The following CLVS1 variants were observed in gnomAD, a reference collection of about 807,000 sequenced individuals.
CLVS1 encodes the protein clavesin 1, also known as clavesin-1.
Under a neutral mutation model 33.1 loss-of-function variants are expected in CLVS1, and 10 were observed. The observed-to-expected ratio is 0.30, with a 90% CI of 0.19 to 0.51. The LOEUF is 0.51. Among genes scored for constraint, CLVS1 ranks in the 20% least tolerant of loss-of-function variants. The pLI is 0.97. For missense variants in CLVS1, 343 were observed against 433.4 expected, an observed-to-expected ratio of 0.79 and a Z score of 1.85; for synonymous variants, 163 against 166.1, an observed-to-expected ratio of 0.98 and a Z score of 0.14.
intron 5 of CLVS1, among the ~76,000 whole-genome samples, chr8:61,497,643 C>G (rs1417955424): frequency 6.6e-6 from 1 of 152,126 alleles, no homozygotes; most frequent in Non-Finnish European, 1.5e-5. Flanking sequence ...GGTCCCAATT[C>G]AGACCCCAAG....
At chr8:61,442,545 T>G (rs1816593710) in intron 3 of CLVS1, among the ~76,000 whole-genome samples, 1 of 152,238 alleles carries the variant, frequency 6.6e-6, no homozygotes, top group Non-Finnish European at 1.5e-5. Context: ...TATACCATAT[T>G]ACACTTCTAT....
upstream of CLVS1, among the ~76,000 whole-genome samples, chr8:61,056,753 C>A (rs1804478585): frequency 2.0e-5 from 3 of 152,224 alleles, no homozygotes; most frequent in Admixed American, 6.5e-5. Context: ...TTAAATTATT[C>A]TTCTTGATTC....
chr8:61,202,469 G>A (rs559052160), intron 2 of CLVS1: 163 of 813,116 alleles, frequency 2.0e-4, no homozygotes, highest in Non-Finnish European at 2.7e-4. Flanking sequence ...GAAAATGAGC[G>A]CCAGTTGTCT....
chr8:61,333,245 C>G (rs1320871235), intron 2 of CLVS1, among the ~76,000 whole-genome samples: 1 of 152,150 alleles, frequency 6.6e-6, no homozygotes, highest in East Asian at 1.9e-4. Context: ...AAAGTTTTTA[C>G]ATACCCAGTG....
chr8:61,112,456 T>C (rs938495516), intron 1 of CLVS1, among the ~76,000 whole-genome samples: 6 of 152,264 alleles, frequency 3.9e-5, no homozygotes, highest in African/African-American at 1.4e-4. Flanking sequence ...AGCTCTGCTA[T>C]GTTGATCAGA....
intron 1 of CLVS1, among the ~76,000 whole-genome samples, chr8:61,117,810 C>G (rs1414594317): frequency 6.6e-6 from 1 of 152,160 alleles, no homozygotes; most frequent in African/African-American, 2.4e-5. Context: ...CAATGTTCAT[C>G]AAGGATATTG....
At chr8:61,012,591 C>T in the CLVS1 span, among the ~76,000 whole-genome samples, 2,657 of 152,210 alleles carry the variant, frequency 0.017, 73 homozygotes, top group African/African-American at 0.06. Flanking sequence ...GACATTTCAG[C>T]GTGCATGACA....
At chr8:61,318,312 G>GCCTGACACTTGATAT (rs1811079664) in intron 2 of CLVS1, among the ~76,000 whole-genome samples, 1 of 152,016 alleles carries the variant, frequency 6.6e-6, no homozygotes, top group Non-Finnish European at 1.5e-5. Context: ...TTTTAATCCT[G>GCCTGACACTTGATAT]CCTGACACTT....
intron 2 of CLVS1, among the ~76,000 whole-genome samples, chr8:61,154,306 G>A (rs1300159): frequency 6.6e-6 from 1 of 151,900 alleles, no homozygotes; most frequent in East Asian, 1.9e-4. Flanking sequence ...TCTGAATGAA[G>A]CTCTGAATGA....
chr8:61,398,416 A>G (rs117724256), intron 3 of CLVS1, among the ~76,000 whole-genome samples: 2,682 of 152,188 alleles, frequency 0.018, 40 homozygotes, highest in Non-Finnish European at 0.026. Flanking sequence ...TCCTGAACTC[A>G]TGTGATCCAC....
At chr8:61,410,524 G>C (rs1815179344) in intron 3 of CLVS1, among the ~76,000 whole-genome samples, 1 of 152,104 alleles carries the variant, frequency 6.6e-6, no homozygotes, top group Non-Finnish European at 1.5e-5. Context: ...GCAATTTCTT[G>C]GGTCAGAAGC....
At chr8:61,417,371 T>G (rs2581544) in intron 3 of CLVS1, among the ~76,000 whole-genome samples, 2,674 of 152,322 alleles carry the variant, frequency 0.018, 23 homozygotes, top group South Asian at 0.022. Flanking sequence ...AGACGTTTTT[T>G]TCTTTGAATG....
chr8:61,191,870 TAA>T (rs921773406), intron 2 of CLVS1, among the ~76,000 whole-genome samples: 6 of 151,958 alleles, frequency 3.9e-5, no homozygotes, highest in Admixed American at 3.9e-4. Context: ...CTCCACAAAA[TAA>T]AAGAGGACAC....
intron 2 of CLVS1, among the ~76,000 whole-genome samples, chr8:61,177,906 C>T (rs1198526521): frequency 6.6e-6 from 1 of 151,978 alleles, no homozygotes; most frequent in African/African-American, 2.4e-5. Flanking sequence ...TGAAAAAATG[C>T]TGAAAACCCA....
At chr8:61,494,596 C>T (rs1804204271) in intron 5 of CLVS1, among the ~76,000 whole-genome samples, 1 of 152,032 alleles carries the variant, frequency 6.6e-6, no homozygotes. Context: ...AGTGGCTTCT[C>T]GATAGTTAAT....
chr8:61,039,158 T>G, the CLVS1 span, among the ~76,000 whole-genome samples: 1 of 152,348 alleles, frequency 6.6e-6, no homozygotes, highest in South Asian at 2.1e-4. Context: ...CAGTCCTTTT[T>G]GAGGACTAGG....
At position 61,299,734 on chromosome 8, in the gene CLVS1, A is replaced by C. The variant is rs763716458; in HGVS notation, c.-94A>C. On this transcript the variant is annotated 5_prime_UTR_variant, in exon 2 of 6. Transcript: ENST00000325897. ...GATGAACACCACCACATAGGGCCTGAATGTGAAAGAAGACCCTCTATTTGT... is the reference window on the plus strand; with the variant it reads ...GATGAACACCACCACATAGGGCCTGCATGTGAAAGAAGACCCTCTATTTGT... 12 of 886,154 alleles carry C rather than the reference A, an allele frequency of 1.4e-5. No homozygotes were observed. Among genetic ancestry groups the C allele is most frequent in the Non-Finnish European group, 2.1e-5 (12 of 577,052 alleles). The allele number at this position is 886,154 out of a possible 1,614,324, so 54.9% of individuals were successfully genotyped here.
chr8:61,154,624 T>C (rs1253034448), intron 2 of CLVS1, among the ~76,000 whole-genome samples: 1 of 152,178 alleles, frequency 6.6e-6, no homozygotes, highest in Non-Finnish European at 1.5e-5. Flanking sequence ...TTTGTTCAAG[T>C]TCAGGATTAA....
At chr8:61,408,817 CA>C (rs1815098505) in intron 3 of CLVS1, among the ~76,000 whole-genome samples, 1 of 152,052 alleles carries the variant, frequency 6.6e-6, no homozygotes, top group African/African-American at 2.4e-5. Flanking sequence ...GTGTTATTAG[CA>C]GGTTGAGAAC....
Sources: gnomAD v4.1 joint callset for allele counts (sites outside exome capture counted in the v4.1 genomes callset) on GRCh38, gnomAD v4.1.1 for gene constraint, MANE v1.5 for transcripts, NCBI Gene and HGNC (gene_info 2026-07-23, HGNC 2026-07-21) for gene names.